ADAM23: variants seen among roughly 807,000 people sequenced by gnomAD.
ADAM23 encodes disintegrin and metalloproteinase domain-containing protein 23.
Under a neutral mutation model 120.1 loss-of-function variants are expected in ADAM23, and 33 were observed. The ratio of observed to expected loss-of-function variants is 0.27; its 90% CI spans 0.21 to 0.37. The LOEUF (loss-of-function observed/expected upper bound fraction) is 0.37, where lower values mean the gene tolerates loss of function less well. Ranked by LOEUF, ADAM23 falls within the 10% of genes least tolerant of loss-of-function variation. The pLI, the probability that ADAM23 is intolerant of heterozygous loss-of-function variation, is 1.00. For synonymous variants in ADAM23, 367 were observed against 375.2 expected (o/e 0.98, Z 0.25); for missense variants, 862 against 1,058.2 (o/e 0.81, Z 2.57).
Position 206,617,740 on chromosome 2 carries a change from G to A in ADAM23, c.*113G>A. On this transcript the variant is annotated 3_prime_UTR_variant, in exon 26 of 26. Transcript: ENST00000264377. ...GTAAACAAAACCTTTGGGTGGTAAT[G>A]ACTACGGAGCTAAAGTTGGGGTGAC... is the stretch of plus-strand genomic sequence containing the variant. 1 of 1,537,336 alleles carries A rather than the reference G, an allele frequency of 6.5e-7. No individual in the cohort carries two copies. The highest frequency in any genetic ancestry group is 8.7e-7 in the Non-Finnish European group (1 of 1,142,996).
rs114760277 is a variant in ADAM23 at position 206,469,205 on chromosome 2, C to T, written c.433-12027C>T. ...ATATCTAACTGCCTATTCACAACTC[C>T]ACTTGGGTATGTAATGTGCATATCA... On this transcript the variant is annotated intron_variant, in intron 2 of 25. Transcript: ENST00000264377. 5.1e-3 allele frequency among the ~76,000 whole-genome samples: 775 copies of T among 152,262 alleles called. 2 individuals are homozygous for T. Among genetic ancestry groups the T allele is most frequent in the African/African-American group, 0.017 (720 of 41,546 alleles).
chr2:206,565,026 A>G lies in ADAM23; in HGVS notation c.1352A>G (p.Asp451Gly). The change falls in exon 14 of 26, where the codon GAC becomes GGC. Residue 451 changes from aspartate to glycine, a missense_variant. Physicochemically the swap from Asp to Gly is moderately conservative, Grantham distance 94. Coordinates refer to ENST00000264377, the MANE Select transcript of ADAM23 (RefSeq NM_003812.4). ...WEPSSRKPKCDCTESWGGCIM... is the reference protein window; with the variant it reads ...WEPSSRKPKCGCTESWGGCIM... ...TATTGTTTTATTGGACCAGAATGTGACTGCACAGAATCCTGGGGTGGCTGC... is the reference window on the plus strand; with the variant it reads ...TATTGTTTTATTGGACCAGAATGTGGCTGCACAGAATCCTGGGGTGGCTGC... 2 of 1,614,006 alleles carry G rather than the reference A, an allele frequency of 1.2e-6. No homozygotes were observed. Among genetic ancestry groups the G allele is most frequent in the Non-Finnish European group, 8.5e-7 (1 of 1,179,964 alleles).
chr2:206,552,250 A>G (rs893700539), intron 9 of ADAM23, among the ~76,000 whole-genome samples: 1 of 152,156 alleles, frequency 6.6e-6, no homozygotes, highest in South Asian at 2.1e-4. Context: ...CTGTTAATCT[A>G]TAGAATCTGT....
At chr2:206,451,953 A>T (rs562120350) in intron 2 of ADAM23, among the ~76,000 whole-genome samples, 6 of 152,236 alleles carry the variant, frequency 3.9e-5, no homozygotes, top group African/African-American at 1.4e-4. Flanking sequence ...CAGAGCAGCA[A>T]TGACAACCAC....
intron 1 of ADAM23, among the ~76,000 whole-genome samples, chr2:206,444,368 AG>A (rs1190390918): frequency 6.6e-6 from 1 of 152,134 alleles, no homozygotes; most frequent in African/African-American, 2.4e-5. Flanking sequence ...CAACTTGCGG[AG>A]GGGCAACCAG....
chr2:206,445,397 G>T lies in ADAM23; in HGVS notation c.305G>T (p.Ser102Ile). 1 of 1,614,000 alleles carries T rather than the reference G, an allele frequency of 6.2e-7. No homozygotes were observed. Among genetic ancestry groups the T allele is most frequent in the Non-Finnish European group, 8.5e-7 (1 of 1,179,946 alleles). The change falls in exon 2 of 26, where the codon AGT becomes ATT. Residue 102 changes from serine to isoleucine, a missense_variant. This residue lies in a region of ADAM23 where 225 missense variants were observed against 204.0 expected (regional missense o/e 1.10). Transcript: ENST00000264377. ...CAACAGAATAGCAGCAGTAATATCA[G>T]TTACAGCAATGCAATGCAGAAAGAA... is the stretch of plus-strand genomic sequence containing the variant. Reference protein sequence around the residue: ...TLQQNSSSNISYSNAMQKEIT... With the variant: ...TLQQNSSSNIIYSNAMQKEIT...
At chr2:206,533,377 G>GT (rs1391009390) in intron 4 of ADAM23, among the ~76,000 whole-genome samples, 8 of 151,946 alleles carry the variant, frequency 5.3e-5, no homozygotes, top group African/African-American at 1.7e-4. Context: ...AATTTTTTTT[G>GT]TATTTTTAGT....
intron 24 of ADAM23, among the ~76,000 whole-genome samples, chr2:206,603,634 G>C (rs1698679559): frequency 6.6e-6 from 1 of 152,150 alleles, no homozygotes; most frequent in Admixed American, 6.5e-5. Context: ...GGAGATTACA[G>C]AATATATCTA....
At chr2:206,484,426 A>G (rs1457792837) in intron 3 of ADAM23, among the ~76,000 whole-genome samples, 3 of 152,036 alleles carry the variant, frequency 2.0e-5, no homozygotes, top group Non-Finnish European at 2.9e-5. Flanking sequence ...GTTGTTTTTT[A>G]TATTTTATTT....
chr2:206,546,384 G>A (rs968073739), intron 6 of ADAM23, among the ~76,000 whole-genome samples: 2 of 152,100 alleles, frequency 1.3e-5, no homozygotes, highest in Non-Finnish European at 2.9e-5. Flanking sequence ...TATGCTTTGC[G>A]ATAAGTCAAG....
chr2:206,613,339 A>G (rs1698872307), intron 25 of ADAM23, among the ~76,000 whole-genome samples: 1 of 152,180 alleles, frequency 6.6e-6, no homozygotes, highest in Admixed American at 6.5e-5. Flanking sequence ...GATTACAGGC[A>G]TGAGCCACTG....
chr2:206,501,413 T>C (rs1033982823), intron 3 of ADAM23, among the ~76,000 whole-genome samples: 1 of 152,078 alleles, frequency 6.6e-6, no homozygotes, highest in Non-Finnish European at 1.5e-5. Flanking sequence ...AACTCACTCA[T>C]GGAGACTGAG....
At chr2:206,536,906 G>A (rs774699363) in intron 4 of ADAM23, among the ~76,000 whole-genome samples, 3 of 151,828 alleles carry the variant, frequency 2.0e-5, no homozygotes, top group South Asian at 2.1e-4. Context: ...GGGTGTCACC[G>A]TGTTGGCCAG....
intron 6 of ADAM23, among the ~76,000 whole-genome samples, chr2:206,544,872 A>G (rs1697363946): frequency 6.6e-6 from 1 of 152,160 alleles, no homozygotes; most frequent in Admixed American, 6.5e-5. Context: ...AAGTCCACCA[A>G]GAGAAGACAA....
intron 3 of ADAM23, among the ~76,000 whole-genome samples, chr2:206,520,558 C>T (rs1297058316): frequency 2.6e-5 from 4 of 152,086 alleles, no homozygotes; most frequent in Non-Finnish European, 4.4e-5. Flanking sequence ...TCAGTATCTT[C>T]GGCCGTTAAT....
At chr2:206,492,874 A>T (rs1451439876) in intron 3 of ADAM23, among the ~76,000 whole-genome samples, 3 of 152,200 alleles carry the variant, frequency 2.0e-5, no homozygotes, top group Non-Finnish European at 4.4e-5. Context: ...AAGAAGTCTG[A>T]CTAAAAATGT....
At chr2:206,558,350 C>T (rs1357311715) in intron 10 of ADAM23, among the ~76,000 whole-genome samples, 1 of 152,116 alleles carries the variant, frequency 6.6e-6, no homozygotes, top group Non-Finnish European at 1.5e-5. Context: ...AAAAACCCCA[C>T]CATTTTTTAT....
At chr2:206,502,868 A>G (rs530935654) in intron 3 of ADAM23, among the ~76,000 whole-genome samples, 1 of 152,262 alleles carries the variant, frequency 6.6e-6, no homozygotes, top group South Asian at 2.1e-4. Flanking sequence ...ACCTGTGTAC[A>G]TTTTTATATC....
At position 206,571,679 on chromosome 2, in the gene ADAM23, A is replaced by G. The variant is rs80355223; in HGVS notation, c.1567-48A>G. On this transcript the variant is annotated intron_variant, in intron 16 of 25. Transcript: ENST00000264377. Reference sequence around the variant, plus strand: ...GCCACGTGTGGAGAGAATATGAATGACCAGCAGGTAAGGCTCTTCGCTTAC... The same window carrying G: ...GCCACGTGTGGAGAGAATATGAATGGCCAGCAGGTAAGGCTCTTCGCTTAC... The G allele has an allele frequency of 1.1e-4, 147 of 1,386,922 alleles. 1 individual carries two copies. The African/African-American group carries it at 1.9e-3, about 18-fold the overall frequency. 85.9% of individuals were successfully genotyped at this position (1,386,922 alleles called of 1,614,324 possible). A position where few individuals can be genotyped will look rare whatever the true frequency, so the allele number is the denominator to read the frequency against.
Sources: allele counts gnomAD v4.1 joint callset (sites outside exome capture counted in the v4.1 genomes callset), GRCh38; gene constraint gnomAD v4.1.1; regional missense constraint gnomAD v4.1.1; transcripts MANE v1.5; gene names NCBI Gene and HGNC (gene_info 2026-07-23, HGNC 2026-07-21).